The following FBXO31 variants were observed in gnomAD, a reference collection of about 807,000 sequenced individuals.
FBXO31 encodes F-box protein 31.
Under a neutral mutation model 54.4 loss-of-function variants are expected in FBXO31, and 24 were observed. The observed-to-expected ratio is 0.44, with a 90% CI of 0.32 to 0.62. The LOEUF is 0.62. Ranked by LOEUF, FBXO31 falls within the 20% of genes least tolerant of loss-of-function variation. The pLI, the probability that FBXO31 is intolerant of heterozygous loss-of-function variation, is 0.05. For missense variants in FBXO31, 665 were observed against 787.1 expected (o/e 0.84, Z 1.86); for synonymous variants, 388 against 335.6 (o/e 1.16, Z -1.71).
intron 1 of FBXO31, among the ~76,000 whole-genome samples, chr16:87,369,093 T>C (rs1406518424): frequency 6.6e-6 from 1 of 152,036 alleles, no homozygotes; most frequent in Non-Finnish European, 1.5e-5. Context: ...CCGGCCTTTA[T>C]TTTTTTTATT....
chr16:87,341,696 TCA>T (rs923899651), intron 5 of FBXO31, among the ~76,000 whole-genome samples: 12 of 144,994 alleles, frequency 8.3e-5, no homozygotes, highest in African/African-American at 2.5e-4. Flanking sequence ...ACCACAGCAA[TCA>T]CACACATACG....
At position 87,329,882 on chromosome 16, in the gene FBXO31, G is replaced by T. The variant is rs1487877700; in HGVS notation, c.*1406C>A. 6.6e-6 allele frequency: 1 copy of T among 152,256 alleles called. No individual in the cohort carries two copies. Among genetic ancestry groups the T allele is most frequent in the Non-Finnish European group, 1.5e-5 (1 of 68,042 alleles). The allele number at this position is 152,256 out of a possible 1,614,324, so 9.4% of individuals were successfully genotyped here. On this transcript the variant is annotated 3_prime_UTR_variant, in exon 9 of 9. Coordinates refer to ENST00000311635, the MANE Select transcript of FBXO31 (RefSeq NM_024735.5). ...ATGGGAATTCTTATGTTCTTTAAAGGCCAGTCAAGGAGAAATTCATCAGGA... is the reference window on the plus strand; with the variant it reads ...ATGGGAATTCTTATGTTCTTTAAAGTCCAGTCAAGGAGAAATTCATCAGGA...
At chr16:87,332,231 C>T (rs914270764) in intron 8 of FBXO31, among the ~76,000 whole-genome samples, 2 of 152,200 alleles carry the variant, frequency 1.3e-5, no homozygotes, top group Non-Finnish European at 1.5e-5. Flanking sequence ...GTGCAGCCAT[C>T]GGCACTGTGG....
intron 2 of FBXO31, among the ~76,000 whole-genome samples, chr16:87,349,305 G>A (rs889887715): frequency 9.2e-5 from 14 of 152,320 alleles, no homozygotes; most frequent in African/African-American, 3.4e-4. Flanking sequence ...AATGAGATAT[G>A]AAGAAAATAA....
At chr16:87,384,004 G>T, upstream of FBXO31, 1 of 218,836 alleles carries the variant, frequency 4.6e-6, no homozygotes, top group Middle Eastern at 1.6e-3. Context: ...TGGTGATGCC[G>T]AGTGCAAAAC....
At position 87,363,421 on chromosome 16, in the gene FBXO31, C is replaced by T. The variant is rs546615938; in HGVS notation, c.341-3055G>A. ...AAATAAAAATAAATCAACACCGGCT[C>T]ATCTCCTTTGCCTCACGGTCTAGGG... On this transcript the variant is annotated intron_variant, in intron 1 of 8. Transcript: ENST00000311635. Among the ~76,000 whole-genome samples, 186 of 152,262 alleles carry T rather than the reference C, an allele frequency of 1.2e-3. 2 individuals are homozygous for T. In the South Asian group the frequency reaches 0.036, roughly 29 times the overall value.
chr16:87,340,734 G>T (rs1180230691), intron 5 of FBXO31, among the ~76,000 whole-genome samples: 1 of 152,170 alleles, frequency 6.6e-6, no homozygotes, highest in African/African-American at 2.4e-5. Context: ...AAGGCGGTAA[G>T]ATCACTCGAG....
chr16:87,336,350 T>C lies in FBXO31; in HGVS notation c.733-86A>G. ...GCTGTGCCGCTGAGAGGACACAGTGTGTCCTTCTTTGTCAGTGCACAGGCA... is the reference window on the plus strand; with the variant it reads ...GCTGTGCCGCTGAGAGGACACAGTGCGTCCTTCTTTGTCAGTGCACAGGCA... On this transcript the variant is annotated intron_variant, in intron 5 of 8. Transcript: ENST00000311635. This position sits in a 1 kb window ranked among gnomAD's most constrained non-coding sequence, Gnocchi z 6.5. The C allele has an allele frequency of 8.4e-7, 1 of 1,184,144 alleles. No homozygotes were observed. Among genetic ancestry groups the C allele is most frequent in the Admixed American group, 1.7e-5 (1 of 57,298 alleles). 73.4% of individuals were successfully genotyped at this position (1,184,144 alleles called of 1,614,324 possible).
At position 87,335,156 on chromosome 16, in the gene FBXO31, C is replaced by T; in HGVS notation, c.996+148G>A. 1 of 1,154,590 alleles carries T rather than the reference C, an allele frequency of 8.7e-7. No individual in the cohort carries two copies. Among genetic ancestry groups the T allele is most frequent in the Non-Finnish European group, 1.2e-6 (1 of 804,460 alleles). 71.5% of individuals were successfully genotyped at this position (1,154,590 alleles called of 1,614,324 possible). A position where few individuals can be genotyped will look rare whatever the true frequency, so the allele number is the denominator to read the frequency against. ...GGGCTGGCTGGGGCCCGAGAATCTG[C>T]TTTCCCAAGCTCCCGGGGCTGCAGG... On this transcript the variant is annotated intron_variant, in intron 7 of 8. Transcript: ENST00000311635. The surrounding 1 kb of genome is among the most constrained non-coding windows in gnomAD (Gnocchi z 5.7).
At chr16:87,341,036 T>C (rs1402949340) in intron 5 of FBXO31, among the ~76,000 whole-genome samples, 1 of 152,132 alleles carries the variant, frequency 6.6e-6, no homozygotes, top group East Asian at 1.9e-4. Flanking sequence ...AGAGAGCTCC[T>C]GATCCCAAGA....
chr16:87,360,837 T>C (rs1308907358), intron 1 of FBXO31, among the ~76,000 whole-genome samples: 1 of 152,164 alleles, frequency 6.6e-6, no homozygotes, highest in Non-Finnish European at 1.5e-5. Flanking sequence ...GAGGGGACCG[T>C]GCAAGACATG....
At chr16:87,370,603 G>A (rs1906559411) in intron 1 of FBXO31, among the ~76,000 whole-genome samples, 2 of 152,144 alleles carry the variant, frequency 1.3e-5, no homozygotes, top group Non-Finnish European at 2.9e-5. Flanking sequence ...GAGGCAGTGG[G>A]GTGACCCTGG....
intron 2 of FBXO31, among the ~76,000 whole-genome samples, chr16:87,355,564 C>A (rs996261486): frequency 2.6e-5 from 4 of 152,276 alleles, no homozygotes; most frequent in African/African-American, 9.6e-5. Context: ...TGCTGTTTTT[C>A]ATTTTATTTT....
chr16:87,343,731 A>T lies in FBXO31; in HGVS notation c.524T>A (p.Leu175Gln). 1 of 1,614,250 alleles carries T rather than the reference A, an allele frequency of 6.2e-7. No homozygotes were observed. Among genetic ancestry groups the T allele is most frequent in the Non-Finnish European group, 8.5e-7 (1 of 1,180,044 alleles). ...ATCGACGTGGGGGTCATGGGGAGGCAGGTACATCCACCCGATGATGAACAG... is the reference window on the plus strand; with the variant it reads ...ATCGACGTGGGGGTCATGGGGAGGCTGGTACATCCACCCGATGATGAACAG... ...DGLFIIGWMY[L>Q]PPHDPHVDDP... Residue 175 changes from leucine to glutamine, a missense_variant, in exon 4 of 9, where the codon CTG becomes CAG. This residue lies in a region of FBXO31 where 234 missense variants were observed against 346.8 expected (regional missense o/e 0.67). Transcript: ENST00000311635.
At chr16:87,382,225 T>C (rs143075301) in intron 1 of FBXO31, among the ~76,000 whole-genome samples, 54 of 152,346 alleles carry the variant, frequency 3.5e-4, no homozygotes, top group African/African-American at 1.2e-3. Flanking sequence ...CTATGTAGCA[T>C]TGTTTACACT....
At chr16:87,370,594 A>C (rs1333878622) in intron 1 of FBXO31, among the ~76,000 whole-genome samples, 3 of 152,066 alleles carry the variant, frequency 2.0e-5, no homozygotes, top group African/African-American at 4.8e-5. Flanking sequence ...ATGACTGAGG[A>C]GGCAGTGGGG....
At chr16:87,347,298 C>T (rs1488953776) in intron 2 of FBXO31, 48 bp from the exon 3 acceptor site, 18 of 1,561,018 alleles carry the variant, frequency 1.2e-5, no homozygotes, top group Admixed American at 8.3e-5. Flanking sequence ...CCCAGCGTGC[C>T]GCAGGGAGCC....
chr16:87,343,257 C>T (rs1472078951), intron 4 of FBXO31, among the ~76,000 whole-genome samples: 2 of 152,222 alleles, frequency 1.3e-5, no homozygotes, highest in African/African-American at 4.8e-5. Context: ...CTGTGCTCAC[C>T]GTGGGGGCCA....
At chr16:87,379,927 A>G (rs1365769731) in intron 1 of FBXO31, among the ~76,000 whole-genome samples, 2 of 151,654 alleles carry the variant, frequency 1.3e-5, no homozygotes, top group East Asian at 1.9e-4. Flanking sequence ...ATGTATTAAC[A>G]TGAATAGAAC....
Sources: gnomAD v4.1 joint callset for allele counts (sites outside exome capture counted in the v4.1 genomes callset) on GRCh38, gnomAD v4.1.1 for gene constraint, gnomAD v4.1.1 regional missense constraint, Gnocchi (gnomAD v3.1) non-coding constraint, MANE v1.5 for transcripts, NCBI Gene and HGNC (gene_info 2026-07-23, HGNC 2026-07-21) for gene names.